The following PCDHA1 variants were observed in gnomAD, a reference collection of about 807,000 sequenced individuals.
PCDHA1 encodes the protein protocadherin alpha 1.
In PCDHA1, 42 loss-of-function variants were observed where a neutral mutation model predicts 61.3. The ratio of observed to expected loss-of-function variants is 0.69; its 90% confidence interval spans 0.54 to 0.89. The LOEUF is 0.89. Among genes scored for constraint, PCDHA1 ranks in the 40% least tolerant of loss-of-function variants. The probability of loss-of-function intolerance (pLI) is 0.00; values close to 1 mark genes in which losing one functional copy is unlikely to be tolerated. For synonymous variants in PCDHA1, 610 were observed against 553.8 expected (o/e 1.10, Z -1.43); for missense variants, 1,256 against 1,235.3 (o/e 1.02, Z -0.25).
chr5:140,890,775 CATAAG>C (rs1358140207), intron 1 of PCDHA1, among the ~76,000 whole-genome samples: 5 of 152,040 alleles, frequency 3.3e-5, no homozygotes, highest in Admixed American at 6.6e-5. Context: ...TTTAAAACCC[CATAAG>C]ATATTAGTAT....
intron 1 of PCDHA1, chr5:140,866,969 G>A (rs533294537): frequency 6.6e-6 from 1 of 152,230 alleles, no homozygotes; most frequent in South Asian, 2.1e-4. Context: ...GGTGACATCT[G>A]AAATATCACA....
chr5:140,927,685 A>G lies in PCDHA1; in HGVS notation c.2395-51264A>G, dbSNP rs782137754. 2.5e-6 allele frequency: 4 copies of G among 1,614,092 alleles called. No individual in the cohort carries two copies. In the African/African-American group the frequency reaches 4.0e-5, roughly 16 times the overall value. ...AGCCTTGGATCCAGATGAAGGGTCC[A>G]ATGGGGAAGTCCAGTACTCCCTAAG... is the stretch of plus-strand genomic sequence containing the variant. On this transcript the variant is annotated intron_variant, in intron 1 of 3. Transcript: ENST00000504120.
chr5:140,902,572 G>A (rs1249141591), intron 1 of PCDHA1, among the ~76,000 whole-genome samples: 1 of 151,954 alleles, frequency 6.6e-6, no homozygotes, highest in Non-Finnish European at 1.5e-5. Flanking sequence ...GGGTTTTTAA[G>A]ATTTCAATAG....
rs2098421039 is a variant in PCDHA1, at chr5:141,011,549, G to GA, written c.*1615dup. 1 of 153,674 alleles carries GA rather than the reference G, an allele frequency of 6.5e-6. No individual in the cohort carries two copies. The highest frequency in any genetic ancestry group is 1.5e-5 in the Non-Finnish European group (1 of 68,008). The allele number at this position is 153,674 out of a possible 1,614,324, so 9.5% of individuals were successfully genotyped here. A position where few individuals can be genotyped will look rare whatever the true frequency, so the allele number is the denominator to read the frequency against. Reference sequence around the variant, plus strand: ...CCATTGTTAATCAGCTTTTGTGTATGAAAGACACAGTAAAATTTCTTTCTT... The same window carrying GA: ...CCATTGTTAATCAGCTTTTGTGTATGAAAAGACACAGTAAAATTTCTTTCTT... On this transcript the variant is annotated 3_prime_UTR_variant, in exon 4 of 4. Coordinates refer to ENST00000504120, the MANE Select transcript of PCDHA1 (RefSeq NM_018900.4).
chr5:141,010,291 G>A lies in PCDHA1; in HGVS notation c.*354G>A. ...GGATCCTGTCTTGATGACACTTGCA[G>A]GGCAGGCTGAAAAGTTTTGAGATTG... On this transcript the variant is annotated 3_prime_UTR_variant, in exon 4 of 4. Coordinates refer to ENST00000504120, the MANE Select transcript of PCDHA1 (RefSeq NM_018900.4). 1.3e-6 allele frequency: 2 copies of A among 1,549,990 alleles called. No individual in the cohort carries two copies. The highest frequency in any genetic ancestry group is 1.2e-5 in the South Asian group (1 of 83,762).
chr5:140,899,664 G>T (rs1263525075), intron 1 of PCDHA1, among the ~76,000 whole-genome samples: 17 of 152,124 alleles, frequency 1.1e-4, no homozygotes, highest in Admixed American at 1.0e-3. Flanking sequence ...GTCTCTGCCC[G>T]GCTTTGGTAT....
At chr5:140,795,454 G>A in intron 1 of PCDHA1, 1 of 1,614,174 alleles carries the variant, frequency 6.2e-7, no homozygotes, top group Non-Finnish European at 8.5e-7. Flanking sequence ...AGATATAGGA[G>A]TAAATGCTCT....
chr5:140,969,371 T>C (rs2096324872), intron 1 of PCDHA1: 1 of 1,607,688 alleles, frequency 6.2e-7, no homozygotes, highest in Non-Finnish European at 8.5e-7. Context: ...AACTCATGCA[T>C]TTGTTACACA....
chr5:140,884,579 G>A (rs1035826331), intron 1 of PCDHA1: 5 of 1,614,058 alleles, frequency 3.1e-6, no homozygotes, highest in Admixed American at 1.7e-5. Flanking sequence ...GGACCTCATG[G>A]CCTTCAGTCC....
At chr5:140,893,336 A>G (rs2063930718) in intron 1 of PCDHA1, among the ~76,000 whole-genome samples, 1 of 152,098 alleles carries the variant, frequency 6.6e-6, no homozygotes, top group Admixed American at 6.6e-5. Context: ...TGTTTTCCTT[A>G]GTGGCAGTGC....
chr5:140,801,468 G>C (rs1433804601), intron 1 of PCDHA1: 6 of 1,613,938 alleles, frequency 3.7e-6, no homozygotes, highest in Non-Finnish European at 5.1e-6. Flanking sequence ...TTCTCGGATA[G>C]ACCGCGAGGA....
At chr5:140,796,905 A>G in intron 1 of PCDHA1, 3 of 1,613,752 alleles carry the variant, frequency 1.9e-6, no homozygotes, top group Non-Finnish European at 2.5e-6. Context: ...GACACCGCCT[A>G]CTCGTGCTGG....
At chr5:140,926,362 C>G (rs1199629040) in intron 1 of PCDHA1, 4 of 152,268 alleles carry the variant, frequency 2.6e-5, no homozygotes, top group African/African-American at 9.7e-5. Context: ...TCCCAAAGGG[C>G]GGCAGGAAGA....
chr5:140,801,359 G>A, intron 1 of PCDHA1: 1 of 1,613,428 alleles, frequency 6.2e-7, no homozygotes, highest in Non-Finnish European at 8.5e-7. Flanking sequence ...ACCTGGGGCT[G>A]GAGCTGGCGG....
At chr5:140,843,113 G>C (rs1234618172) in intron 1 of PCDHA1, 1 of 1,595,750 alleles carries the variant, frequency 6.3e-7, no homozygotes, top group African/African-American at 1.3e-5. Flanking sequence ...GCGCGCAGTG[G>C]ACGCCGACTC....
chr5:140,906,023 G>A (rs952070346), intron 1 of PCDHA1, among the ~76,000 whole-genome samples: 7 of 152,128 alleles, frequency 4.6e-5, no homozygotes, highest in Admixed American at 3.3e-4. Flanking sequence ...ATCTCTCCAC[G>A]TTCTTCTGTC....
At chr5:140,882,414 C>T in intron 1 of PCDHA1, 2 of 1,614,148 alleles carry the variant, frequency 1.2e-6, no homozygotes, top group Non-Finnish European at 8.5e-7. Flanking sequence ...GGCCGCATCG[C>T]TCAGGACCTG....
chr5:140,885,670 C>T (rs1351720729), intron 1 of PCDHA1, among the ~76,000 whole-genome samples: 2 of 152,138 alleles, frequency 1.3e-5, no homozygotes, highest in African/African-American at 4.8e-5. Flanking sequence ...TATGAGCACT[C>T]TTTCTATCTC....
intron 1 of PCDHA1, chr5:140,851,527 A>C (rs1335605014): frequency 2.2e-6 from 2 of 905,622 alleles, no homozygotes; most frequent in Middle Eastern, 5.6e-4. Context: ...AAAATGCCTG[A>C]CAATGTAGAT....
Sources: allele counts gnomAD v4.1 joint callset (sites outside exome capture counted in the v4.1 genomes callset), GRCh38; gene constraint gnomAD v4.1.1; transcripts MANE v1.5; gene names NCBI Gene and HGNC (gene_info 2026-07-23, HGNC 2026-07-21).